Variants in AARS1 observed in about 807,000 individuals in gnomAD.
AARS1 encodes the protein alanyl-tRNA synthetase 1.
AARS1 carries 72 observed loss-of-function variants against 108.9 expected under a neutral mutation model. The observed-to-expected ratio is 0.66, with a 90% CI of 0.55 to 0.80. AARS1 has a LOEUF of 0.80. Ranked by LOEUF, AARS1 falls within the 30% of genes least tolerant of loss-of-function variation. The probability of loss-of-function intolerance (pLI) is 0.00; values close to 1 mark genes in which losing one functional copy is unlikely to be tolerated. For synonymous variants in AARS1, 489 were observed against 465.7 expected (o/e 1.05, Z -0.64); for missense variants, 1,193 against 1,233.2 (o/e 0.97, Z 0.49).
rs1960074669 is a variant in AARS1 at position 70,259,194 on chromosome 16, G to A, written c.1786-8C>T. 1.2e-6 allele frequency: 2 copies of A among 1,613,120 alleles called. No homozygotes were observed. Among genetic ancestry groups the A allele is most frequent in the East Asian group, 4.5e-5 (2 of 44,878 alleles). ...GATGGGTCTTCGTCGGGGCTGGAAAGGGCAGAGGGGCTCATGGAGAGGTCT... is the reference window on the plus strand; with the variant it reads ...GATGGGTCTTCGTCGGGGCTGGAAAAGGCAGAGGGGCTCATGGAGAGGTCT... On this transcript the variant is annotated splice_region_variant and splice_polypyrimidine_tract_variant and intron_variant, in intron 13 of 20. Transcript: ENST00000261772.
rs371126031 is a variant in AARS1 at position 70,254,719 on chromosome 16, C to T, written c.2302G>A (p.Glu768Lys). ...ACAGAGAGACATTTCTTCAAGCTCT[C>T]TGCTTTCCTGAGGGCCTGGGAGGGG... Reference protein sequence around the residue: ...AEAQKALRKAESLKKCLSVME... With the variant: ...AEAQKALRKAKSLKKCLSVME... The change falls in exon 17 of 21, where the codon GAG becomes AAG. Residue 768 changes from glutamate to lysine, a missense_variant. Transcript: ENST00000261772. The T allele has an allele frequency of 2.5e-6, 4 of 1,613,464 alleles. No homozygotes were observed. In the African/African-American group the frequency reaches 4.0e-5, roughly 16 times the overall value.
chr16:70,278,845 T>C (rs1327156784), intron 2 of AARS1, among the ~76,000 whole-genome samples: 2 of 151,978 alleles, frequency 1.3e-5, no homozygotes, highest in South Asian at 2.1e-4. Flanking sequence ...AGAGGCAATA[T>C]GGCACAAAGG....
chr16:70,280,417 C>A (rs1693869017), intron 2 of AARS1, among the ~76,000 whole-genome samples: 1 of 152,152 alleles, frequency 6.6e-6, no homozygotes, highest in Non-Finnish European at 1.5e-5. Context: ...ATCAAGTGAT[C>A]CTCCCGTCTC....
At chr16:70,287,033 C>CCT (rs1960862530) in intron 1 of AARS1, among the ~76,000 whole-genome samples, 1 of 150,980 alleles carries the variant, frequency 6.6e-6, no homozygotes, top group East Asian at 2.0e-4. Context: ...GGGCGGATCA[C>CCT]GAGGTCAGGA....
chr16:70,283,696 TG>T (rs1166601238), intron 1 of AARS1, among the ~76,000 whole-genome samples: 5 of 152,152 alleles, frequency 3.3e-5, no homozygotes, highest in Non-Finnish European at 7.3e-5. Context: ...GCAATAGTCC[TG>T]GGGATGGGCC....
At chr16:70,254,882 C>CA (rs1416424205) in intron 16 of AARS1, 148 bp from the exon 17 acceptor site, 2 of 663,736 alleles carry the variant, frequency 3.0e-6, no homozygotes, top group African/African-American at 3.6e-5. Flanking sequence ...TAGGTGCTGG[C>CA]AGCCCCAGGC....
At chr16:70,257,148 C>G (rs1200973202) in intron 15 of AARS1, among the ~76,000 whole-genome samples, 1 of 151,990 alleles carries the variant, frequency 6.6e-6, no homozygotes, top group Non-Finnish European at 1.5e-5. Context: ...ACTCAGGAGG[C>G]TGAGGCAGGA....
chr16:70,282,109 G>A (rs971690528), intron 2 of AARS1, among the ~76,000 whole-genome samples: 8 of 149,142 alleles, frequency 5.4e-5, no homozygotes, highest in South Asian at 2.2e-4. Context: ...CACAGATCAC[G>A]CCACTGCACT....
rs147424208 is a variant in AARS1 at position 70,271,831 on chromosome 16, G to A, written c.621C>T (p.Asp207=). ...GRDAAHLVNQ[D]DPNVLEIWNL... is the part of the protein sequence containing the mutation. ...TCCAGATCTCCAGCACATTAGGGTC[G>A]TCCTGGTTGACAAGATGTGCGGCGT... is the stretch of plus-strand genomic sequence containing the variant. The change falls in exon 5 of 21, where the codon GAC becomes GAT. Residue 207 remains aspartate, a synonymous_variant. Coordinates refer to ENST00000261772, the MANE Select transcript of AARS1 (RefSeq NM_001605.3). The A allele has an allele frequency of 8.2e-5, 132 of 1,613,842 alleles. No individual in the cohort carries two copies. The African/African-American group carries it at 1.5e-3, about 18-fold the overall frequency.
chr16:70,252,790 G>T lies in AARS1; in HGVS notation c.2838C>A (p.Gly946=), dbSNP rs1959873555. 6.2e-7 allele frequency: 1 copy of T among 1,614,088 alleles called. No individual in the cohort carries two copies. Among genetic ancestry groups the T allele is most frequent in the South Asian group, 1.1e-5 (1 of 91,096 alleles). ...VSAQATGKNV[G]CLQEALQLAT... Reference sequence around the variant, plus strand: ...CCAGCTGCAGCGCCTCCTGCAGGCAGCCAACGTTCTTGCCTGTGGCCTGTG... The same window carrying T: ...CCAGCTGCAGCGCCTCCTGCAGGCATCCAACGTTCTTGCCTGTGGCCTGTG... Residue 946 remains glycine, a synonymous_variant, in exon 21 of 21, where the codon GGC becomes GGA. Transcript: ENST00000261772.
At chr16:70,262,587 G>A in intron 11 of AARS1, 63 bp from the exon 12 acceptor site, 29 of 1,484,374 alleles carry the variant, frequency 2.0e-5, no homozygotes, top group Non-Finnish European at 2.5e-5. Context: ...CTCCTTCTTG[G>A]CTGACTTTTG....
chr16:70,254,202 A>G (rs1959921930), intron 17 of AARS1, among the ~76,000 whole-genome samples, 164 bp from the exon 18 acceptor site: 1 of 152,206 alleles, frequency 6.6e-6, no homozygotes. Flanking sequence ...GGCAGGTGAA[A>G]CAAGCAGGGC....
chr16:70,268,585 G>A (rs1346074809), intron 7 of AARS1, among the ~76,000 whole-genome samples: 2 of 152,122 alleles, frequency 1.3e-5, no homozygotes, highest in Non-Finnish European at 2.9e-5. Context: ...TAGGGTAAAC[G>A]CTGGTTTGTT....
chr16:70,271,765 A>T lies in AARS1; in HGVS notation c.671+16T>A. 2 of 1,613,722 alleles carry T rather than the reference A, an allele frequency of 1.2e-6. No homozygotes were observed. The highest frequency in any genetic ancestry group is 2.2e-5 in the South Asian group (2 of 91,044). ...CTCAGCTCAAGGAAAGGAATGGAGT[A>T]GGAACCCAAGGCTACCTGTTATACT... On this transcript the variant is annotated intron_variant, in intron 5 of 20. Transcript: ENST00000261772.
At chr16:70,289,064 G>A (rs1349263714) in intron 1 of AARS1, among the ~76,000 whole-genome samples, 5 of 152,084 alleles carry the variant, frequency 3.3e-5, no homozygotes, top group African/African-American at 1.2e-4. Context: ...CAGCTGTTTA[G>A]TTAATTTTAA....
At chr16:70,252,949 G>C in intron 20 of AARS1, 43 bp from the exon 21 acceptor site, 4 of 1,591,260 alleles carry the variant, frequency 2.5e-6, no homozygotes, top group Non-Finnish European at 3.4e-6. Flanking sequence ...CAGAAGATGG[G>C]ATTGAGGGAG....
At chr16:70,282,857 G>A in intron 1 of AARS1, 73 bp from the exon 2 acceptor site, 1 of 1,481,272 alleles carries the variant, frequency 6.8e-7, no homozygotes, top group Non-Finnish European at 9.4e-7. Context: ...CAAGACTTCT[G>A]GCTTCTCAAG....
At chr16:70,260,966 A>G in intron 13 of AARS1, 78 bp downstream of exon 13, 1 of 1,190,436 alleles carries the variant, frequency 8.4e-7, no homozygotes, top group East Asian at 2.4e-5. Context: ...CCGGCCCAAC[A>G]GTGACAGGAC....
rs1017066838 is a variant in AARS1, at chr16:70,258,627, G to A, written c.1992+353C>T. On this transcript the variant is annotated intron_variant, in intron 14 of 20. Coordinates refer to ENST00000261772, the MANE Select transcript of AARS1 (RefSeq NM_001605.3). The stretch of plus-strand genomic sequence containing the variant: ...GTTTCCCAGGCTAGAGTGCAATGGC[G>A]CAATCTCGGCTCACTGCAAGCTCCA... Among the ~76,000 whole-genome samples, 54 of 152,026 alleles carry A rather than the reference G, an allele frequency of 3.6e-4. 1 individual carries two copies. Among genetic ancestry groups the A allele is most frequent in the African/African-American group, 1.2e-3 (50 of 41,450 alleles).
Sources: gnomAD v4.1 joint callset for allele counts (sites outside exome capture counted in the v4.1 genomes callset) on GRCh38, gnomAD v4.1.1 for gene constraint, MANE v1.5 for transcripts, NCBI Gene and HGNC (gene_info 2026-07-23, HGNC 2026-07-21) for gene names.